MERTK: variants seen among roughly 807,000 people sequenced by gnomAD.
MERTK encodes the protein MER proto-oncogene, tyrosine kinase.
Under a neutral mutation model 99.3 loss-of-function variants are expected in MERTK, and 69 were observed. That is an observed-to-expected ratio of 0.70 (90% CI 0.57 to 0.85). The LOEUF is 0.85. Among genes scored for constraint, MERTK ranks in the 40% least tolerant of loss-of-function variants. The pLI is 0.00. For missense variants in MERTK, 1,125 were observed against 1,249.4 expected (o/e 0.90, Z 1.50); for synonymous variants, 426 against 467.6 (o/e 0.91, Z 1.15).
chr2:111,920,835 T>C (rs1303006037), intron 1 of MERTK, among the ~76,000 whole-genome samples: 3 of 152,062 alleles, frequency 2.0e-5, no homozygotes, highest in Admixed American at 1.3e-4. Context: ...TTGTATTTTT[T>C]AGTAGAGACA....
chr2:111,941,695 G>A (rs551591648), intron 2 of MERTK, among the ~76,000 whole-genome samples: 1 of 151,962 alleles, frequency 6.6e-6, no homozygotes, highest in East Asian at 1.9e-4. Flanking sequence ...TGTCTAGAAA[G>A]CGACAAGTAT....
intron 7 of MERTK, among the ~76,000 whole-genome samples, chr2:111,981,642 A>T (rs956607552): frequency 6.6e-6 from 1 of 152,180 alleles, no homozygotes; most frequent in African/African-American, 2.4e-5. Flanking sequence ...ATTATTTTCA[A>T]TTTTAATAGA....
intron 16 of MERTK, among the ~76,000 whole-genome samples, chr2:112,020,297 GAATCATGA>G (rs1390497099): frequency 6.6e-6 from 1 of 152,122 alleles, no homozygotes; most frequent in African/African-American, 2.4e-5. Flanking sequence ...CATGGAGGGA[GAATCATGA>G]AAACTCTTTT....
rs1677534477 is a variant in MERTK at position 112,029,342 on chromosome 2, C to G, written c.*478C>G. 2.1e-6 allele frequency: 2 copies of G among 940,230 alleles called. No homozygotes were observed. Among genetic ancestry groups the G allele is most frequent in the Non-Finnish European group, 2.5e-6 (2 of 788,282 alleles). 58.2% of individuals were successfully genotyped at this position (940,230 alleles called of 1,614,324 possible). A position where few individuals can be genotyped will look rare whatever the true frequency, so the allele number is the denominator to read the frequency against. ...ATAACTGATTAATTTTCTGATATGG[C>G]TTCCTAATAAAATATGAATAAGGAA... On this transcript the variant is annotated 3_prime_UTR_variant, in exon 19 of 19. Coordinates refer to ENST00000295408, the MANE Select transcript of MERTK (RefSeq NM_006343.3).
chr2:111,990,313 T>C (rs1676591127), intron 8 of MERTK, among the ~76,000 whole-genome samples: 1 of 152,240 alleles, frequency 6.6e-6, no homozygotes, highest in Admixed American at 6.5e-5. Flanking sequence ...ATATATGTCA[T>C]ATATCTTTCT....
chr2:112,006,424 C>T (rs1676981605), intron 13 of MERTK, among the ~76,000 whole-genome samples: 1 of 152,144 alleles, frequency 6.6e-6, no homozygotes, highest in South Asian at 2.1e-4. Context: ...AGAATACTCA[C>T]TGGAGCTGAA....
chr2:111,954,621 A>G (rs116695016), intron 4 of MERTK, among the ~76,000 whole-genome samples: 2,459 of 152,332 alleles, frequency 0.016, 68 homozygotes, highest in African/African-American at 0.046. Context: ...ACATCATGAT[A>G]ATGAAGTAAC....
rs564020280 is a variant in MERTK at position 111,917,753 on chromosome 2, C to T, written c.62-11367C>T. 2.0e-4 allele frequency among the ~76,000 whole-genome samples: 31 copies of T among 152,080 alleles called. No individual in the cohort carries two copies. The South Asian group carries it at 4.4e-3, about 21-fold the overall frequency. On this transcript the variant is annotated intron_variant, in intron 1 of 18. Transcript: ENST00000295408. ...TACAAAAATTAGCTGGGCGTGGTAG[C>T]GTGCGCCTGTAGTCCCAGCTACTCC...
chr2:111,997,591 G>C, intron 10 of MERTK, 115 bp downstream of exon 10: 1 of 1,236,526 alleles, frequency 8.1e-7, no homozygotes, highest in South Asian at 1.3e-5. Flanking sequence ...TGGCTGCCCT[G>C]CCTTATGCAT....
Position 111,948,069 on chromosome 2 carries a change from A to G in MERTK, c.757+502A>G, listed in dbSNP as rs1452504983. On this transcript the variant is annotated intron_variant, in intron 4 of 18. Transcript: ENST00000295408. ...AAGTGGCCCAGTTTTAGTCCCGCAC[A>G]TCACTGATGATGCTCTTGTCAATAC... Among the ~76,000 whole-genome samples, 5 of 152,172 alleles carry G rather than the reference A, an allele frequency of 3.3e-5. No individual in the cohort carries two copies. In the East Asian group the frequency reaches 5.8e-4, roughly 18 times the overall value.
intron 1 of MERTK, among the ~76,000 whole-genome samples, chr2:111,911,646 C>G (rs1291503927): frequency 6.6e-6 from 1 of 150,900 alleles, no homozygotes; most frequent in Non-Finnish European, 1.5e-5. Context: ...CCGTCTCAGC[C>G]TCCCAAGTGC....
intron 4 of MERTK, among the ~76,000 whole-genome samples, chr2:111,954,162 A>C (rs371508465): frequency 1.3e-5 from 2 of 152,208 alleles, no homozygotes; most frequent in Non-Finnish European, 2.9e-5. Context: ...TCTGAGACCC[A>C]TTGGGGCTTC....
intron 13 of MERTK, among the ~76,000 whole-genome samples, chr2:112,007,401 A>G (rs1357187820): frequency 2.0e-5 from 3 of 152,046 alleles, no homozygotes; most frequent in Non-Finnish European, 4.4e-5. Flanking sequence ...TGATCCACCC[A>G]CCTCAGCCTC....
At chr2:111,910,831 C>T (rs1684233668) in intron 1 of MERTK, among the ~76,000 whole-genome samples, 1 of 151,842 alleles carries the variant, frequency 6.6e-6, no homozygotes, top group East Asian at 1.9e-4. Context: ...TTACTAGGGC[C>T]TGGAAAGGAT....
intron 8 of MERTK, among the ~76,000 whole-genome samples, chr2:111,991,243 T>C (rs1314441124): frequency 6.6e-6 from 1 of 152,240 alleles, no homozygotes; most frequent in Non-Finnish European, 1.5e-5. Context: ...TATGTTTTTT[T>C]GTTGCTTGTT....
chr2:111,970,955 C>T (rs1676108818), intron 6 of MERTK, among the ~76,000 whole-genome samples: 1 of 151,884 alleles, frequency 6.6e-6, no homozygotes, highest in East Asian at 1.9e-4. Context: ...AATTTGTTCT[C>T]TTTGTGGAAA....
intron 7 of MERTK, among the ~76,000 whole-genome samples, chr2:111,980,425 T>C (rs1573616986): frequency 6.8e-6 from 1 of 147,084 alleles, no homozygotes; most frequent in Admixed American, 6.8e-5. Context: ...TTTTTTTTTT[T>C]TTTTTTTTTT....
chr2:112,024,328 CGTT>C (rs1677420049), intron 18 of MERTK, among the ~76,000 whole-genome samples: 1 of 152,228 alleles, frequency 6.6e-6, no homozygotes, highest in Non-Finnish European at 1.5e-5. Flanking sequence ...AGCTGTGTCA[CGTT>C]GTGGTTTTTA....
chr2:112,004,155 A>G (rs1397006980), intron 13 of MERTK, among the ~76,000 whole-genome samples, 171 bp downstream of exon 13: 3 of 152,192 alleles, frequency 2.0e-5, no homozygotes, highest in African/African-American at 7.2e-5. Flanking sequence ...CATGCATTAC[A>G]TATTCTTTAT....
Sources: gnomAD v4.1 joint callset for allele counts (sites outside exome capture counted in the v4.1 genomes callset) on GRCh38, gnomAD v4.1.1 for gene constraint, MANE v1.5 for transcripts, NCBI Gene and HGNC (gene_info 2026-07-23, HGNC 2026-07-21) for gene names.